PRSS56: variants seen among roughly 807,000 people sequenced by gnomAD.
PRSS56 encodes the protein protease, serine 56.
A neutral mutation model predicts 66.8 loss-of-function variants in PRSS56; 55 were observed. The observed-to-expected ratio is 0.82, with a 90% CI of 0.66 to 1.03. The LOEUF (loss-of-function observed/expected upper bound fraction) is 1.03, where lower values mean the gene tolerates loss of function less well. PRSS56 is among the 50% of genes least tolerant of loss of function. The probability of loss-of-function intolerance (pLI) is 0.00; values close to 1 mark genes in which losing one functional copy is unlikely to be tolerated. For missense variants in PRSS56, 869 were observed against 837.2 expected (o/e 1.04, Z -0.47); for synonymous variants, 409 against 387.9 (o/e 1.05, Z -0.64).
chr2:232,523,034 C>G, intron 6 of PRSS56, 26 bp from the exon 7 acceptor site: 1 of 1,532,278 alleles, frequency 6.5e-7, no homozygotes, highest in Non-Finnish European at 8.7e-7. Context: ...CCCTCCAAAC[C>G]TGAGCCTTCC....
In PRSS56 at chr2:232,522,105, G is replaced by C. The variant is rs1212564075; in HGVS notation, c.391G>C (p.Gly131Arg). The change falls in exon 4 of 13, where the codon GGC (glycine) becomes CGC (arginine). Residue 131 changes from glycine (G) to arginine (R), a missense_variant. Physicochemically the swap from Gly to Arg is moderately radical, Grantham distance 125. Transcript: ENST00000617714. ...GCAGCTCGGCGGGCAGCCTCTGTGC[G>C]GCGGCGTCCTGGTAGCGGCCTCCTG... ...RLQLGGQPLC[G>R]GVLVAASWVL... 7.3e-6 allele frequency: 11 copies of C among 1,517,092 alleles called. No homozygotes were observed. The highest frequency in any genetic ancestry group is 1.4e-5 in the African/African-American group (1 of 69,940). The allele number at this position is 1,517,092 out of a possible 1,614,324, so 94.0% of individuals were successfully genotyped here. A position where few individuals can be genotyped will look rare whatever the true frequency, so the allele number is the denominator to read the frequency against.
intron 2 of PRSS56, among the ~76,000 whole-genome samples, 154 bp from the exon 3 acceptor site, chr2:232,521,662 T>C (rs1222426842): frequency 6.6e-6 from 1 of 152,164 alleles, no homozygotes; most frequent in Non-Finnish European, 1.5e-5. Context: ...GCTCCTGTGG[T>C]GACCAGGAGA....
Position 232,523,478 on chromosome 2 carries a change from C to T in PRSS56, c.912C>T (p.Phe304=), listed in dbSNP as rs1691330976. ...EPGPRPREVL[F]GVTSWGDGCG... is the part of the protein sequence containing the mutation. ...GCCCCCGCCCTAGAGAGGTCCTGTT[C>T]GGAGTCACCTCCTGGGGGGACGGCT... The change falls in exon 8 of 13, where the codon TTC becomes TTT. Residue 304 remains phenylalanine (F), a synonymous_variant. Coordinates refer to ENST00000617714, the MANE Select transcript of PRSS56 (RefSeq NM_001195129.2). 2.6e-6 allele frequency: 4 copies of T among 1,525,754 alleles called. No homozygotes were observed. The highest frequency in any genetic ancestry group is 4.9e-5 in the East Asian group (2 of 40,882). 94.5% of individuals were successfully genotyped at this position (1,525,754 alleles called of 1,614,324 possible). A position where few individuals can be genotyped will look rare whatever the true frequency, so the allele number is the denominator to read the frequency against.
Position 232,525,589 on chromosome 2 carries a change from T to A in PRSS56, c.*83T>A. 1.7e-6 allele frequency: 1 copy of A among 605,786 alleles called. No individual in the cohort carries two copies. Among genetic ancestry groups the A allele is most frequent in the Non-Finnish European group, 2.3e-6 (1 of 431,418 alleles). The allele number at this position is 605,786 out of a possible 1,614,324, so 37.5% of individuals were successfully genotyped here. A position where few individuals can be genotyped will look rare whatever the true frequency, so the allele number is the denominator to read the frequency against. On this transcript the variant is annotated 3_prime_UTR_variant, in exon 13 of 13. Coordinates refer to ENST00000617714, the MANE Select transcript of PRSS56 (RefSeq NM_001195129.2). The stretch of plus-strand genomic sequence containing the variant: ...GGTTCGGGAGCATAATGACAAACTG[T>A]CGCTGCCCCAGTGGCTGGGTGTGTG...
intron 4 of PRSS56, 65 bp from the exon 5 acceptor site, chr2:232,522,450 T>A: frequency 7.4e-7 from 1 of 1,352,696 alleles, no homozygotes; most frequent in Non-Finnish European, 9.9e-7. Flanking sequence ...AGGGGCAGGG[T>A]CTCCGAGGGG....
intron 6 of PRSS56, 22 bp from the exon 7 acceptor site, chr2:232,523,038 G>C: frequency 6.5e-7 from 1 of 1,533,038 alleles, no homozygotes; most frequent in Non-Finnish European, 8.7e-7. Context: ...CCAAACCTGA[G>C]CCTTCCACCC....
Position 232,520,583 on chromosome 2 carries a change from C to G in PRSS56, c.-16C>G. On this transcript the variant is annotated 5_prime_UTR_variant, in exon 1 of 13. Coordinates refer to ENST00000617714, the MANE Select transcript of PRSS56 (RefSeq NM_001195129.2). ...GGAGAGAGGACAGGGGTCTCTCACC[C>G]CAGCTCCTGGTCACCATGCTGCTGG... 1 of 1,534,798 alleles carries G rather than the reference C, an allele frequency of 6.5e-7. No homozygotes were observed. Among genetic ancestry groups the G allele is most frequent in the South Asian group, 1.2e-5 (1 of 84,036 alleles).
intron 1 of PRSS56, 87 bp downstream of exon 1, chr2:232,520,782 T>A: frequency 1.2e-6 from 1 of 814,740 alleles, no homozygotes; most frequent in Non-Finnish European, 1.9e-6. Flanking sequence ...GAAGAGCTTG[T>A]CACCCCCACT....
rs1691348741 is a variant in PRSS56, at chr2:232,524,126, C to A, written c.1274C>A (p.Ala425Asp). 1 of 1,511,438 alleles carries A rather than the reference C, an allele frequency of 6.6e-7. No individual in the cohort carries two copies. Among genetic ancestry groups the A allele is most frequent in the Non-Finnish European group, 8.8e-7 (1 of 1,136,714 alleles). 93.6% of individuals were successfully genotyped at this position (1,511,438 alleles called of 1,614,324 possible). A position where few individuals can be genotyped will look rare whatever the true frequency, so the allele number is the denominator to read the frequency against. Residue 425 changes from alanine (A) to aspartate (D), a missense_variant, in exon 10 of 13, where the codon GCC becomes GAC. By Grantham distance (126) the Ala-to-Asp change is moderately radical. Transcript: ENST00000617714. Reference protein sequence around the residue: ...LGPRPGLRRLAPALALPAPAL... With the variant: ...LGPRPGLRRLDPALALPAPAL... ...CCTCGTCCGGGACTGCGGCGCCTGG[C>A]CCCCGCCCTGGCTCTCCCCGCTCCA...
At chr2:232,522,407 C>T (rs1004113883) in intron 4 of PRSS56, 108 bp from the exon 5 acceptor site, 5 of 1,061,708 alleles carry the variant, frequency 4.7e-6, no homozygotes, top group Middle Eastern at 3.2e-4. Context: ...GCCCTCCGTG[C>T]CCCCAGGTGG....
Position 232,523,506 on chromosome 2 carries a change from G to C in PRSS56, c.940G>C (p.Gly314Arg). 2 of 1,531,936 alleles carry C rather than the reference G, an allele frequency of 1.3e-6. No individual in the cohort carries two copies. The highest frequency in any genetic ancestry group is 1.7e-6 in the Non-Finnish European group (2 of 1,145,066). The allele number at this position is 1,531,936 out of a possible 1,614,324, so 94.9% of individuals were successfully genotyped here. A position where few individuals can be genotyped will look rare whatever the true frequency, so the allele number is the denominator to read the frequency against. ...AGTCACCTCCTGGGGGGACGGCTGC[G>C]GGGAGCCAGGGAAGCCCGGGGTCTA... ...FGVTSWGDGCGEPGKPGVYTR... is the reference protein window; with the variant it reads ...FGVTSWGDGCREPGKPGVYTR... Residue 314 changes from glycine to arginine, a missense_variant, in exon 8 of 13, where the codon GGG (glycine) becomes CGG (arginine). Gly to Arg is a moderately radical substitution (Grantham distance 125). Around this residue, in one of 3 missense-constraint regions of PRSS56, gnomAD observed 551 missense variants for 506.9 expected, o/e 1.09. Coordinates refer to ENST00000617714, the MANE Select transcript of PRSS56 (RefSeq NM_001195129.2).
rs965854674 is a variant in PRSS56, at chr2:232,520,942, G to A, written c.97+247G>A. Reference sequence around the variant, plus strand: ...TGGAGAGAAGGCCCCAAGAAGCAGAGAGAAACGGCCCGGGGCAGCACCCTG... The same window carrying A: ...TGGAGAGAAGGCCCCAAGAAGCAGAAAGAAACGGCCCGGGGCAGCACCCTG... On this transcript the variant is annotated intron_variant, in intron 1 of 12. Coordinates refer to ENST00000617714, the MANE Select transcript of PRSS56 (RefSeq NM_001195129.2). 5.3e-5 allele frequency among the ~76,000 whole-genome samples: 8 copies of A among 152,308 alleles called. No individual in the cohort carries two copies. In the South Asian group the frequency reaches 1.7e-3, roughly 32 times the overall value.
chr2:232,524,057 A>G lies in PRSS56; in HGVS notation c.1205A>G (p.His402Arg), dbSNP rs763466969. The G allele has an allele frequency of 1.3e-6, 2 of 1,524,570 alleles. No homozygotes were observed. The highest frequency in any genetic ancestry group is 2.4e-5 in the South Asian group (2 of 83,208). 94.4% of individuals were successfully genotyped at this position (1,524,570 alleles called of 1,614,324 possible). Reference sequence around the variant, plus strand: ...TCCGCAGAGCTGCGCTCGCTGGCGCACACGCTGCTGGGCCTGCTGCGGAAC... The same window carrying G: ...TCCGCAGAGCTGCGCTCGCTGGCGCGCACGCTGCTGGGCCTGCTGCGGAAC... ...RRRCELRSLA[H>R]TLLGLLRNAQ... Residue 402 changes from histidine to arginine, a missense_variant, in exon 10 of 13, where the codon CAC becomes CGC. Transcript: ENST00000617714.
intron 7 of PRSS56, 43 bp from the exon 8 acceptor site, chr2:232,523,373 T>C (rs1329031304): frequency 7.0e-7 from 1 of 1,428,284 alleles, no homozygotes; most frequent in Non-Finnish European, 9.1e-7. Context: ...GCAGGCGTCA[T>C]AGGGGGCAGG....
In PRSS56 at chr2:232,525,377, C is replaced by T; in HGVS notation, c.1683C>T (p.Ala561=). The T allele has an allele frequency of 6.5e-7, 1 of 1,534,010 alleles. No homozygotes were observed. The highest frequency in any genetic ancestry group is 2.4e-5 in the East Asian group (1 of 40,880). The change falls in exon 13 of 13, where the codon GCC becomes GCT. Residue 561 remains alanine, a synonymous_variant. Coordinates refer to ENST00000617714, the MANE Select transcript of PRSS56 (RefSeq NM_001195129.2). ...LPRLLVQALQ[A]FRVAALAEGE... ...GGCTGCTGGTGCAGGCCCTGCAGGCCTTCCGCGTGGCTGCCCTGGCAGAAG... is the reference window on the plus strand; with the variant it reads ...GGCTGCTGGTGCAGGCCCTGCAGGCTTTCCGCGTGGCTGCCCTGGCAGAAG...
chr2:232,524,663 G>T (rs1691377321), intron 11 of PRSS56, 75 bp from the exon 12 acceptor site: 2 of 1,055,722 alleles, frequency 1.9e-6, no homozygotes, highest in South Asian at 3.1e-5. Context: ...CCATCCTGAG[G>T]TGCTGGTGGG....
Position 232,520,598 on chromosome 2 carries a change from C to A in PRSS56, c.-1C>A. The A allele has an allele frequency of 1.3e-6, 2 of 1,536,010 alleles. No individual in the cohort carries two copies. Among genetic ancestry groups the A allele is most frequent in the Non-Finnish European group, 1.7e-6 (2 of 1,146,786 alleles). ...GTCTCTCACCCCAGCTCCTGGTCACCATGCTGCTGGCTGTGCTGCTGCTGC... is the reference window on the plus strand; with the variant it reads ...GTCTCTCACCCCAGCTCCTGGTCACAATGCTGCTGGCTGTGCTGCTGCTGC... On this transcript the variant is annotated 5_prime_UTR_variant, in exon 1 of 13. Transcript: ENST00000617714.
chr2:232,524,182 C>T lies in PRSS56; in HGVS notation c.1330C>T (p.Arg444Trp), dbSNP rs1227274904. ...CAGGGAGTCTCCTCTGCACCCCGCC[C>T]GGGAGCTGCGGCTTCACTCAGGTAC... The part of the protein sequence containing the change: ...ALRESPLHPA[R>W]ELRLHSGSRA... The change falls in exon 10 of 13, where the codon CGG (arginine) becomes TGG (tryptophan). Residue 444 changes from arginine to tryptophan, a missense_variant. Around this residue, in one of 3 missense-constraint regions of PRSS56, gnomAD observed 551 missense variants for 506.9 expected, o/e 1.09. Transcript: ENST00000617714. 37 of 1,529,408 alleles carry T rather than the reference C, an allele frequency of 2.4e-5. No homozygotes were observed. Among genetic ancestry groups the T allele is most frequent in the Admixed American group, 1.6e-4 (8 of 50,538 alleles). 94.7% of individuals were successfully genotyped at this position (1,529,408 alleles called of 1,614,324 possible). A position where few individuals can be genotyped will look rare whatever the true frequency, so the allele number is the denominator to read the frequency against.
At chr2:232,523,628 C>T (rs1448081035) in intron 8 of PRSS56, 50 bp downstream of exon 8, 23 of 1,502,578 alleles carry the variant, frequency 1.5e-5, no homozygotes, top group African/African-American at 2.8e-5. Flanking sequence ...AACGGACAAC[C>T]GTGGGACAAG....
Sources: gnomAD v4.1 joint callset for allele counts (sites outside exome capture counted in the v4.1 genomes callset) on GRCh38, gnomAD v4.1.1 for gene constraint, gnomAD v4.1.1 regional missense constraint, MANE v1.5 for transcripts, NCBI Gene and HGNC (gene_info 2026-07-23, HGNC 2026-07-21) for gene names.